The following NTM variants were observed in gnomAD, a reference collection of about 807,000 sequenced individuals.
The protein encoded by NTM is IgLON family member 2.
In NTM, 13 loss-of-function variants were observed where a neutral mutation model predicts 42.1. The observed-to-expected ratio is 0.31, with a 90% confidence interval of 0.20 to 0.49. The LOEUF is 0.49. Ranked by LOEUF, NTM falls within the 20% of genes least tolerant of loss-of-function variation. NTM has a pLI of 0.99. For synonymous variants in NTM, 187 were observed against 179.2 expected (o/e 1.04, Z -0.35); for missense variants, 373 against 452.8 (o/e 0.82, Z 1.60).
At chr11:132,019,835 T>A (rs1398915290) in intron 2 of NTM, among the ~76,000 whole-genome samples, 1 of 152,062 alleles carries the variant, frequency 6.6e-6, no homozygotes, top group Non-Finnish European at 1.5e-5. Flanking sequence ...TTTTATTTTA[T>A]TTTTGTTTCT....
chr11:132,244,590 T>C (rs1367375549), intron 4 of NTM, among the ~76,000 whole-genome samples: 1 of 152,208 alleles, frequency 6.6e-6, no homozygotes, highest in African/African-American at 2.4e-5. Context: ...TCATTGACCC[T>C]CTTGTTTCTG....
intron 3 of NTM, among the ~76,000 whole-genome samples, chr11:132,208,867 G>T (rs182792504): frequency 1.2e-3 from 187 of 152,088 alleles, no homozygotes; most frequent in African/African-American, 4.2e-3. Context: ...AGAGCATCTC[G>T]GAGTGCTTTA....
At chr11:132,266,561 C>G (rs2093195942) in intron 4 of NTM, among the ~76,000 whole-genome samples, 1 of 152,176 alleles carries the variant, frequency 6.6e-6, no homozygotes, top group African/African-American at 2.4e-5. Flanking sequence ...TTAATCTCTT[C>G]CTCTGAGACA....
chr11:132,037,932 C>T (rs1302831129), intron 2 of NTM, among the ~76,000 whole-genome samples: 2 of 152,228 alleles, frequency 1.3e-5, no homozygotes, highest in Non-Finnish European at 1.5e-5. Flanking sequence ...TGTCCGTGCA[C>T]ACAAAGTAAT....
At chr11:132,143,801 A>T (rs908151777) in intron 2 of NTM, among the ~76,000 whole-genome samples, 19 of 152,128 alleles carry the variant, frequency 1.2e-4, no homozygotes, top group Non-Finnish European at 2.4e-4. Flanking sequence ...GTCGTTCCAA[A>T]TTCATGTTTC....
At chr11:131,839,877 G>A (rs189670451) in intron 1 of NTM, among the ~76,000 whole-genome samples, 3 of 152,330 alleles carry the variant, frequency 2.0e-5, no homozygotes, top group East Asian at 3.9e-4. Flanking sequence ...GTTTCTAGAT[G>A]TATTTCCAAG....
intron 1 of NTM, among the ~76,000 whole-genome samples, chr11:131,799,392 A>G (rs983179792): frequency 3.9e-5 from 6 of 152,214 alleles, no homozygotes; most frequent in African/African-American, 1.4e-4. Context: ...CACTCATTGA[A>G]TCAAGAAGGC....
At chr11:132,055,981 C>A (rs771878822) in intron 2 of NTM, among the ~76,000 whole-genome samples, 1 of 152,152 alleles carries the variant, frequency 6.6e-6, no homozygotes, top group South Asian at 2.1e-4. Context: ...TTAGAATATT[C>A]CAAGTTTTCC....
rs545732866 is a variant in NTM at position 131,371,662 on chromosome 11, A to G, written c.82+774A>G. Among the ~76,000 whole-genome samples the G allele has an allele frequency of 6.6e-5, 10 of 152,204 alleles. No homozygotes were observed. In the South Asian group the frequency reaches 1.9e-3, roughly 28 times the overall value. On this transcript the variant is annotated intron_variant, in intron 1 of 8. Coordinates refer to ENST00000683400, the MANE Select transcript of NTM (RefSeq NM_001352005.2). ...ATGTCCCCAGTGCTGTGTTCTGTGC[A>G]TTTGGAATCGGCCTCCACCTTGAGT...
In NTM at chr11:131,575,613, G is replaced by A. The variant is rs2057856525; in HGVS notation, c.82+204725G>A. On this transcript the variant is annotated intron_variant, in intron 1 of 8. Transcript: ENST00000683400. ...TGACCGAATGGGAATCTACCTTTCT[G>A]CAATTCCCAGCCTGATCTTTCTACT... 1.3e-5 allele frequency among the ~76,000 whole-genome samples: 2 copies of A among 152,150 alleles called. 1 individual carries two copies. The highest frequency in any genetic ancestry group is 4.1e-4 in the South Asian group (2 of 4,826).
intron 1 of NTM, among the ~76,000 whole-genome samples, chr11:131,451,094 A>C (rs959476557): frequency 2.6e-5 from 4 of 152,188 alleles, no homozygotes; most frequent in Admixed American, 2.6e-4. Flanking sequence ...ATGGAACAGA[A>C]CAAAATTTCC....
At chr11:131,384,577 G>C (rs1366731262) in intron 1 of NTM, among the ~76,000 whole-genome samples, 2 of 151,558 alleles carry the variant, frequency 1.3e-5, no homozygotes, top group African/African-American at 4.8e-5. Context: ...GAGAGAGAGA[G>C]AGTGAGTGAG....
intron 1 of NTM, among the ~76,000 whole-genome samples, chr11:131,428,213 G>A (rs571306742): frequency 3.3e-5 from 5 of 152,076 alleles, no homozygotes; most frequent in African/African-American, 7.2e-5. Context: ...ACCACCTGGC[G>A]GCCCAAGCTG....
chr11:131,530,970 G>C (rs561552799), intron 1 of NTM, among the ~76,000 whole-genome samples: 8 of 152,308 alleles, frequency 5.3e-5, no homozygotes, highest in African/African-American at 1.9e-4. Flanking sequence ...AGAGATGATG[G>C]AGGCTTCTGC....
intron 2 of NTM, among the ~76,000 whole-genome samples, chr11:132,013,132 A>G (rs2072603982): frequency 6.6e-6 from 1 of 152,154 alleles, no homozygotes; most frequent in Non-Finnish European, 1.5e-5. Flanking sequence ...CACAAGGGGC[A>G]GCTGTGTGAA....
intron 1 of NTM, among the ~76,000 whole-genome samples, chr11:131,471,690 C>T (rs746433712): frequency 6.6e-5 from 10 of 152,108 alleles, no homozygotes; most frequent in South Asian, 2.1e-4. Context: ...AGAAGCATGC[C>T]GGTAAATTCA....
At chr11:132,119,860 G>T (rs1384184724) in intron 2 of NTM, among the ~76,000 whole-genome samples, 1 of 152,250 alleles carries the variant, frequency 6.6e-6, no homozygotes, top group Non-Finnish European at 1.5e-5. Context: ...GGTCTAGACC[G>T]AGTCCCCATC....
chr11:131,834,442 G>C (rs1247623493), intron 1 of NTM, among the ~76,000 whole-genome samples: 1 of 151,924 alleles, frequency 6.6e-6, no homozygotes, highest in Admixed American at 6.6e-5. Context: ...GGTAGGCACT[G>C]TGCTGGGGTT....
chr11:132,262,777 T>G (rs1301389275), intron 4 of NTM, among the ~76,000 whole-genome samples: 3 of 152,210 alleles, frequency 2.0e-5, no homozygotes, highest in African/African-American at 7.2e-5. Context: ...CCTTCTTACA[T>G]GTGCAACACA....
Sources: allele counts gnomAD v4.1 joint callset (sites outside exome capture counted in the v4.1 genomes callset), GRCh38; gene constraint gnomAD v4.1.1; transcripts MANE v1.5; gene names NCBI Gene and HGNC (gene_info 2026-07-23, HGNC 2026-07-21).